The following SLC14A2 variants were observed in gnomAD, a reference collection of about 807,000 sequenced individuals.
The protein encoded by SLC14A2 is solute carrier family 14 member 2.
SLC14A2 carries 91 observed loss-of-function variants against 104.6 expected under a neutral mutation model. The ratio of observed to expected loss-of-function variants is 0.87; its 90% CI spans 0.73 to 1.04. The LOEUF (loss-of-function observed/expected upper bound fraction) is 1.04. Among genes scored for constraint, SLC14A2 ranks in the 50% least tolerant of loss-of-function variants. The probability of loss-of-function intolerance (pLI) is 0.00; values close to 1 mark genes in which losing one functional copy is unlikely to be tolerated. For synonymous variants in SLC14A2, 476 were observed against 466.4 expected, an observed-to-expected ratio of 1.02 and a Z score of -0.27; for missense variants, 1,189 against 1,156.0, an observed-to-expected ratio of 1.03 and a Z score of -0.41.
At position 45,383,736 on chromosome 18, in the gene SLC14A2, G is replaced by A. The variant is rs1281116191; in HGVS notation, c.-124-99497G>A. ...AATCTTGCCCCAAGTTGTTCCATGTGTCAGTTTCTAAACCACCATCCCAGT... is the reference window on the plus strand; with the variant it reads ...AATCTTGCCCCAAGTTGTTCCATGTATCAGTTTCTAAACCACCATCCCAGT... On this transcript the variant is annotated intron_variant, in intron 1 of 20. Transcript: ENST00000586448. Among the ~76,000 whole-genome samples, 6 of 152,072 alleles carry A rather than the reference G, an allele frequency of 3.9e-5. 1 individual carries two copies. The highest frequency in any genetic ancestry group is 3.9e-4 in the Admixed American group (6 of 15,262).
At chr18:45,334,431 C>T (rs1568155935) in intron 1 of SLC14A2, among the ~76,000 whole-genome samples, 1 of 152,160 alleles carries the variant, frequency 6.6e-6, no homozygotes, top group Non-Finnish European at 1.5e-5. Flanking sequence ...ATTCTGGAAA[C>T]TTCCTGTACT....
At position 45,673,683 on chromosome 18, in the gene SLC14A2, C is replaced by G. The variant is rs1053771326; in HGVS notation, c.2378C>G (p.Ala793Gly). The change falls in exon 18 of 20, where the codon GCA becomes GGA. Residue 793 changes from alanine to glycine, a missense_variant and splice_region_variant. Physicochemically the swap from Ala to Gly is moderately conservative, Grantham distance 60. Coordinates refer to ENST00000255226, the MANE Select transcript of SLC14A2 (RefSeq NM_007163.4). Reference protein sequence around the residue: ...AIGSTMGMLAALTIATPFDSI... With the variant: ...AIGSTMGMLAGLTIATPFDSI... ...CCCTGATGCCTGCCTTCTGTCACAG[C>G]ACTCACTATTGCGACGCCCTTTGAC... is the stretch of plus-strand genomic sequence containing the variant. 3.7e-6 allele frequency: 6 copies of G among 1,613,766 alleles called. No individual in the cohort carries two copies. The highest frequency in any genetic ancestry group is 5.1e-6 in the Non-Finnish European group (6 of 1,179,814).
intron 2 of SLC14A2, among the ~76,000 whole-genome samples, chr18:45,596,925 T>C (rs975188477): frequency 1.3e-5 from 2 of 152,138 alleles, no homozygotes; most frequent in African/African-American, 2.4e-5. Context: ...TCCTCTACCA[T>C]TGGACCCTTT....
chr18:45,422,334 A>G (rs2086360907), intron 1 of SLC14A2, among the ~76,000 whole-genome samples: 1 of 152,218 alleles, frequency 6.6e-6, no homozygotes, highest in Non-Finnish European at 1.5e-5. Context: ...TTCACTAGCA[A>G]AAAATAACTG....
chr18:45,449,002 C>T (rs563631490), intron 1 of SLC14A2, among the ~76,000 whole-genome samples: 3 of 152,242 alleles, frequency 2.0e-5, no homozygotes, highest in South Asian at 2.1e-4. Context: ...GCATGTGGAG[C>T]GGACATAAGC....
chr18:45,305,228 G>A (rs2085007023), intron 1 of SLC14A2, among the ~76,000 whole-genome samples: 1 of 152,228 alleles, frequency 6.6e-6, no homozygotes, highest in African/African-American at 2.4e-5. Flanking sequence ...AAAATGGCCT[G>A]TGGGTTAAGG....
chr18:45,199,505 T>G, the SLC14A2 span, among the ~76,000 whole-genome samples: 1 of 152,204 alleles, frequency 6.6e-6, no homozygotes, highest in African/African-American at 2.4e-5. Context: ...CAGCCTAGTA[T>G]TTAACTCATT....
intron 1 of SLC14A2, among the ~76,000 whole-genome samples, chr18:45,467,698 T>C (rs1216338463): frequency 6.6e-6 from 1 of 152,146 alleles, no homozygotes; most frequent in Non-Finnish European, 1.5e-5. Flanking sequence ...TGCTAAAGGG[T>C]GACTCCAGCA....
intron 2 of SLC14A2, among the ~76,000 whole-genome samples, chr18:45,581,787 T>C (rs1386355307): frequency 1.3e-5 from 2 of 152,208 alleles, no homozygotes; most frequent in African/African-American, 4.8e-5. Context: ...TAGAGGACAG[T>C]CACTTGATCT....
chr18:45,361,932 C>T (rs369429577), intron 1 of SLC14A2, among the ~76,000 whole-genome samples: 2 of 152,178 alleles, frequency 1.3e-5, no homozygotes, highest in Admixed American at 6.5e-5. Flanking sequence ...TTCCAAGAAC[C>T]GCTTTAGACT....
upstream of SLC14A2, among the ~76,000 whole-genome samples, chr18:45,211,536 T>C (rs1291277960): frequency 6.6e-6 from 1 of 152,180 alleles, no homozygotes; most frequent in East Asian, 1.9e-4. Flanking sequence ...TCCACCATTC[T>C]ACCCTCTTCT....
intron 1 of SLC14A2, among the ~76,000 whole-genome samples, chr18:45,467,772 A>C (rs957465576): frequency 6.6e-6 from 1 of 152,222 alleles, no homozygotes; most frequent in Admixed American, 6.5e-5. Flanking sequence ...AAATGTTACC[A>C]ACCCACTCCA....
intron 1 of SLC14A2, among the ~76,000 whole-genome samples, chr18:45,303,159 G>A (rs1401525281): frequency 6.6e-6 from 1 of 152,208 alleles, no homozygotes; most frequent in Non-Finnish European, 1.5e-5. Flanking sequence ...GCACAGCCAC[G>A]TGGTGGAGGA....
intron 1 of SLC14A2, among the ~76,000 whole-genome samples, chr18:45,433,329 G>C (rs57793355): frequency 2.0e-5 from 3 of 152,068 alleles, no homozygotes; most frequent in Non-Finnish European, 4.4e-5. Context: ...CCAAATAACA[G>C]GAGCTTTTCT....
the SLC14A2 span, among the ~76,000 whole-genome samples, chr18:45,206,676 A>G: frequency 1.6e-3 from 240 of 152,346 alleles, no homozygotes; most frequent in Non-Finnish European, 2.6e-3. Context: ...TACATTTTAA[A>G]GACAAAATAA....
intron 18 of SLC14A2, among the ~76,000 whole-genome samples, chr18:45,675,703 ATATATATTTTTTT>A (rs966774953): frequency 7.6e-5 from 5 of 65,430 alleles, no homozygotes; most frequent in African/African-American, 2.8e-4. Context: ...ATATATATAT[ATATATATTTTTTT>A]TTTTTTTTTT....
intron 1 of SLC14A2, among the ~76,000 whole-genome samples, chr18:45,213,548 A>C (rs1170293539): frequency 6.6e-6 from 1 of 152,218 alleles, no homozygotes; most frequent in South Asian, 2.1e-4. Flanking sequence ...GAGAAAATGC[A>C]GGCCATTATG....
At position 45,317,971 on chromosome 18, in the gene SLC14A2, C is replaced by T. The variant is rs1250742436; in HGVS notation, c.-125+104780C>T. 2.6e-5 allele frequency among the ~76,000 whole-genome samples: 4 copies of T among 152,118 alleles called. No individual in the cohort carries two copies. The East Asian group carries it at 7.7e-4, about 29-fold the overall frequency. On this transcript the variant is annotated intron_variant, in intron 1 of 20. Transcript: ENST00000586448. ...GCTTTGGAGCCCCACCTTTGGAGCC[C>T]CACCTTTCCTTTGGAGCCCCACCTC...
At chr18:45,337,971 A>G (rs938733325) in intron 1 of SLC14A2, among the ~76,000 whole-genome samples, 1 of 152,118 alleles carries the variant, frequency 6.6e-6, no homozygotes, top group Non-Finnish European at 1.5e-5. Flanking sequence ...TTTGCCACTT[A>G]TTCTTTCTGA....
Sources: gnomAD v4.1 joint callset for allele counts (sites outside exome capture counted in the v4.1 genomes callset) on GRCh38, gnomAD v4.1.1 for gene constraint, MANE v1.5 for transcripts, NCBI Gene and HGNC (gene_info 2026-07-23, HGNC 2026-07-21) for gene names.